Variants in SGCZ observed in about 807,000 individuals in gnomAD.
SGCZ encodes the protein sarcoglycan zeta.
Under a neutral mutation model 41.3 loss-of-function variants are expected in SGCZ, and 40 were observed. The ratio of observed to expected loss-of-function variants is 0.97; its 90% CI spans 0.75 to 1.26. SGCZ has a LOEUF of 1.26. SGCZ is among the 50% of genes most tolerant of loss of function. The pLI, the probability that SGCZ is intolerant of heterozygous loss-of-function variation, is 0.00. For synonymous variants in SGCZ, 206 were observed against 137.5 expected, an observed-to-expected ratio of 1.50 and a Z score of -3.49; for missense variants, 552 against 369.8, an observed-to-expected ratio of 1.49 and a Z score of -4.04.
At chr8:14,814,986 C>T (rs962265003) in intron 1 of SGCZ, among the ~76,000 whole-genome samples, 1 of 152,060 alleles carries the variant, frequency 6.6e-6, no homozygotes, top group African/African-American at 2.4e-5. Context: ...TCGGTTACTT[C>T]TTCTGCCTCC....
At chr8:15,106,353 A>G (rs1459313638) in intron 1 of SGCZ, among the ~76,000 whole-genome samples, 2 of 152,100 alleles carry the variant, frequency 1.3e-5, no homozygotes, top group East Asian at 1.9e-4. Context: ...TTATATACAT[A>G]TTACATATTA....
intron 1 of SGCZ, 84 bp downstream of exon 1, chr8:15,237,501 G>T: frequency 2.7e-6 from 4 of 1,489,828 alleles, no homozygotes; most frequent in South Asian, 2.4e-5. Context: ...ACTACTCCGC[G>T]CCGCTGGAGG....
intron 2 of SGCZ, among the ~76,000 whole-genome samples, chr8:14,404,163 C>T (rs893733657): frequency 2.0e-5 from 3 of 152,136 alleles, no homozygotes; most frequent in African/African-American, 7.2e-5. Flanking sequence ...ACTCTCATAA[C>T]AATCACATAC....
chr8:14,378,297 T>C (rs531179309), intron 2 of SGCZ, among the ~76,000 whole-genome samples: 1 of 152,258 alleles, frequency 6.6e-6, no homozygotes, highest in South Asian at 2.1e-4. Flanking sequence ...TGAGCATTTT[T>C]TCATGTGTTT....
chr8:15,023,767 A>G (rs1803344550), intron 1 of SGCZ, among the ~76,000 whole-genome samples: 1 of 152,200 alleles, frequency 6.6e-6, no homozygotes, highest in African/African-American at 2.4e-5. Context: ...ACAGTAGACA[A>G]AAAAGGTTAT....
chr8:14,958,105 G>T (rs1349767961), intron 1 of SGCZ, among the ~76,000 whole-genome samples: 1 of 151,896 alleles, frequency 6.6e-6, no homozygotes, highest in Non-Finnish European at 1.5e-5. Flanking sequence ...ATAACATGTT[G>T]GGTAGAACCA....
In SGCZ at chr8:14,977,910, CAT is replaced by C. The variant is rs1173505936; in HGVS notation, c.39+259673_39+259674del. Among the ~76,000 whole-genome samples the C allele has an allele frequency of 8.4e-4, 125 of 147,958 alleles. 1 individual carries two copies. Among genetic ancestry groups the C allele is most frequent in the Middle Eastern group, 3.5e-3 (1 of 288 alleles). On this transcript the variant is annotated intron_variant, in intron 1 of 7. Transcript: ENST00000382080. ...ACACACACACACACACACACACACA[CAT>C]ATATACACACACATATATATCTAAA...
chr8:14,281,469 A>G (rs1800436057), intron 3 of SGCZ, among the ~76,000 whole-genome samples: 2 of 38,712 alleles, frequency 5.2e-5, no homozygotes, highest in South Asian at 2.5e-3. Context: ...TTTATATCAT[A>G]GAACTTTGAG....
chr8:14,823,847 A>T (rs1470210857), intron 1 of SGCZ, among the ~76,000 whole-genome samples: 1 of 152,324 alleles, frequency 6.6e-6, no homozygotes, highest in South Asian at 2.1e-4. Flanking sequence ...TAACAGATGA[A>T]TGGGTAAAGA....
chr8:14,376,715 G>C (rs547788374), intron 2 of SGCZ, among the ~76,000 whole-genome samples: 2 of 152,026 alleles, frequency 1.3e-5, no homozygotes, highest in African/African-American at 4.8e-5. Flanking sequence ...TTCAGATAAA[G>C]GTGCCATAAA....
At chr8:14,203,314 G>C (rs1383390166) in intron 4 of SGCZ, among the ~76,000 whole-genome samples, 1 of 152,170 alleles carries the variant, frequency 6.6e-6, no homozygotes, top group African/African-American at 2.4e-5. Context: ...CGAGAAGAGT[G>C]TAGGAGATCT....
In SGCZ at chr8:14,638,776, A is replaced by G. The variant is rs370514182; in HGVS notation, c.40-83850T>C. ...CTCCTAGAGATTGTAATGGTTAGCTAACATTTCAGTCTCCCTCAGGTGCAC... is the reference window on the plus strand; with the variant it reads ...CTCCTAGAGATTGTAATGGTTAGCTGACATTTCAGTCTCCCTCAGGTGCAC... On this transcript the variant is annotated intron_variant, in intron 1 of 7. Transcript: ENST00000382080. Among the ~76,000 whole-genome samples, 7 of 151,942 alleles carry G rather than the reference A, an allele frequency of 4.6e-5. No homozygotes were observed. The East Asian group carries it at 9.7e-4, about 21-fold the overall frequency.
chr8:15,115,176 C>T (rs1386006338), intron 1 of SGCZ, among the ~76,000 whole-genome samples: 3 of 152,162 alleles, frequency 2.0e-5, no homozygotes, highest in East Asian at 1.9e-4. Flanking sequence ...AGGCACCCTT[C>T]CTCTATCTTG....
intron 2 of SGCZ, among the ~76,000 whole-genome samples, chr8:14,363,892 T>A (rs949057805): frequency 6.6e-6 from 1 of 152,216 alleles, no homozygotes; most frequent in Admixed American, 6.5e-5. Context: ...ATTTTGAAAA[T>A]GTGTATCCAG....
At chr8:15,189,025 A>T (rs1219133876) in intron 1 of SGCZ, among the ~76,000 whole-genome samples, 3 of 152,200 alleles carry the variant, frequency 2.0e-5, no homozygotes, top group Non-Finnish European at 2.9e-5. Context: ...GATGGAAGAA[A>T]CCATAAAACT....
At chr8:14,311,341 CAT>C (rs1183634792) in intron 3 of SGCZ, among the ~76,000 whole-genome samples, 2 of 152,052 alleles carry the variant, frequency 1.3e-5, no homozygotes, top group Admixed American at 6.6e-5. Context: ...CATAAAAAAA[CAT>C]AGAACAATAT....
At chr8:15,083,515 C>A (rs945843424) in intron 1 of SGCZ, among the ~76,000 whole-genome samples, 1 of 151,922 alleles carries the variant, frequency 6.6e-6, no homozygotes, top group Non-Finnish European at 1.5e-5. Flanking sequence ...AAAGTAATAA[C>A]TTTTTTGCTA....
At chr8:14,380,422 A>C (rs761791630) in intron 2 of SGCZ, among the ~76,000 whole-genome samples, 1 of 152,110 alleles carries the variant, frequency 6.6e-6, no homozygotes, top group Non-Finnish European at 1.5e-5. Context: ...GATATGCAAT[A>C]TGATGAAAGG....
intron 1 of SGCZ, among the ~76,000 whole-genome samples, chr8:14,885,377 C>G (rs1804750156): frequency 6.6e-6 from 1 of 152,120 alleles, no homozygotes; most frequent in Non-Finnish European, 1.5e-5. Context: ...GGACTAACAC[C>G]TATAATTTCA....
Sources: allele counts gnomAD v4.1 joint callset (sites outside exome capture counted in the v4.1 genomes callset), GRCh38; gene constraint gnomAD v4.1.1; transcripts MANE v1.5; gene names NCBI Gene and HGNC (gene_info 2026-07-23, HGNC 2026-07-21).